Variants in ZEB1 observed in about 807,000 individuals in gnomAD.
ZEB1 encodes zinc finger E-box-binding homeobox 1.
In ZEB1, 21 loss-of-function variants were observed where a neutral mutation model predicts 84.9. The ratio of observed to expected loss-of-function variants is 0.25; its 90% CI spans 0.18 to 0.36. The LOEUF (loss-of-function observed/expected upper bound fraction) is 0.36, where lower values mean the gene tolerates loss of function less well. Ranked by LOEUF, ZEB1 falls within the 10% of genes least tolerant of loss-of-function variation. ZEB1 has a pLI of 1.00. For synonymous variants in ZEB1, 420 were observed against 471.1 expected (o/e 0.89, Z 1.41); for missense variants, 1,104 against 1,330.2 (o/e 0.83, Z 2.65).
chr10:31,347,438 T>C (rs765551402), intron 1 of ZEB1, among the ~76,000 whole-genome samples: 2 of 152,186 alleles, frequency 1.3e-5, no homozygotes, highest in African/African-American at 2.4e-5. Context: ...CTTGAACTCC[T>C]GGGTTCAAGT....
intron 2 of ZEB1, among the ~76,000 whole-genome samples, chr10:31,483,409 A>C (rs1436591576): frequency 4.6e-5 from 7 of 152,040 alleles, no homozygotes; most frequent in Non-Finnish European, 2.9e-5. Flanking sequence ...TTGATTCCAA[A>C]GCATGCTATT....
intron 1 of ZEB1, among the ~76,000 whole-genome samples, chr10:31,383,000 G>T (rs1195435966): frequency 3.3e-5 from 5 of 151,754 alleles, no homozygotes. Flanking sequence ...AGACCCTTTT[G>T]GGAAATAATG....
intron 1 of ZEB1, among the ~76,000 whole-genome samples, chr10:31,444,753 G>A (rs1433613675): frequency 3.0e-4 from 46 of 151,772 alleles, no homozygotes; most frequent in Admixed American, 2.7e-3. Context: ...TGAGGGCTCT[G>A]TTCTGTTCCA....
At chr10:31,347,668 G>A (rs1372978562) in intron 1 of ZEB1, among the ~76,000 whole-genome samples, 1 of 151,928 alleles carries the variant, frequency 6.6e-6, no homozygotes, top group Non-Finnish European at 1.5e-5. Context: ...CTTCATTATA[G>A]TGGAAATAGC....
intron 3 of ZEB1, among the ~76,000 whole-genome samples, chr10:31,499,620 C>T (rs1254561399): frequency 6.6e-6 from 1 of 152,000 alleles, no homozygotes; most frequent in Non-Finnish European, 1.5e-5. Flanking sequence ...CAAAAGTTAA[C>T]CAGGCATGGT....
chr10:31,500,849 G>A (rs1338770602), intron 3 of ZEB1, among the ~76,000 whole-genome samples: 3 of 152,106 alleles, frequency 2.0e-5, no homozygotes, highest in South Asian at 2.1e-4. Flanking sequence ...AAAAGTCTTC[G>A]CTTACCTCTG....
intron 2 of ZEB1, among the ~76,000 whole-genome samples, chr10:31,469,163 G>C (rs2062828938): frequency 6.6e-6 from 1 of 152,198 alleles, no homozygotes; most frequent in South Asian, 2.1e-4. Flanking sequence ...CAAACCAGAA[G>C]AAAGATTTCA....
At chr10:31,475,229 A>C (rs1033405651) in intron 2 of ZEB1, among the ~76,000 whole-genome samples, 2 of 151,340 alleles carry the variant, frequency 1.3e-5, no homozygotes, top group Admixed American at 6.6e-5. Flanking sequence ...AAAAAAAAAA[A>C]CAAATTAACC....
intron 2 of ZEB1, among the ~76,000 whole-genome samples, chr10:31,471,533 C>T (rs1440311606): frequency 1.4e-5 from 2 of 146,546 alleles, no homozygotes; most frequent in Non-Finnish European, 3.0e-5. Context: ...TATATGCACC[C>T]AATACAGGAG....
At chr10:31,458,642 G>A (rs1005000573) in intron 1 of ZEB1, among the ~76,000 whole-genome samples, 3 of 151,922 alleles carry the variant, frequency 2.0e-5, no homozygotes, top group African/African-American at 7.3e-5. Context: ...AAACCATTCT[G>A]GAAGGCAGTT....
At chr10:31,465,779 A>T (rs930416691) in intron 2 of ZEB1, among the ~76,000 whole-genome samples, 1 of 148,624 alleles carries the variant, frequency 6.7e-6, no homozygotes, top group African/African-American at 2.6e-5. Context: ...ACATGTGGCT[A>T]ATTTAAAAAA....
intron 1 of ZEB1, among the ~76,000 whole-genome samples, chr10:31,404,791 A>G (rs994996283): frequency 4.6e-5 from 7 of 152,236 alleles, no homozygotes; most frequent in Admixed American, 6.6e-5. Context: ...AATGTAAGCC[A>G]TGTGGTGGCT....
intron 1 of ZEB1, among the ~76,000 whole-genome samples, chr10:31,340,582 G>A (rs745431028): frequency 3.3e-5 from 5 of 152,182 alleles, no homozygotes; most frequent in Non-Finnish European, 5.9e-5. Flanking sequence ...AACATGTGAT[G>A]TTTGCCTACC....
At chr10:31,360,177 G>A (rs1361258380) in intron 1 of ZEB1, among the ~76,000 whole-genome samples, 1 of 152,138 alleles carries the variant, frequency 6.6e-6, no homozygotes, top group Non-Finnish European at 1.5e-5. Flanking sequence ...CCCTGCTCCT[G>A]CCCCTTTATG....
intron 1 of ZEB1, among the ~76,000 whole-genome samples, chr10:31,416,965 T>A (rs1352033987): frequency 6.6e-6 from 1 of 152,150 alleles, no homozygotes; most frequent in Non-Finnish European, 1.5e-5. Context: ...GGCTCTCATC[T>A]TTTTATACCT....
intron 2 of ZEB1, among the ~76,000 whole-genome samples, chr10:31,483,279 T>C (rs553712325): frequency 6.8e-4 from 103 of 152,124 alleles, no homozygotes; most frequent in African/African-American, 2.1e-3. Flanking sequence ...TTAGAATAGC[T>C]CTGTGAGATA....
intron 1 of ZEB1, among the ~76,000 whole-genome samples, chr10:31,367,069 C>A (rs889612008): frequency 6.6e-6 from 1 of 152,128 alleles, no homozygotes; most frequent in Non-Finnish European, 1.5e-5. Flanking sequence ...GGACCTCTTA[C>A]TTATTTCTGT....
In ZEB1 at chr10:31,406,452, G is replaced by GT. The variant is rs151223606; in HGVS notation, c.59-54573dup. ...TTTCTCTAATGACCAGTGATGATGA[G>GT]TTTTTTTTTTTTCATATATTTTTTG... On this transcript the variant is annotated intron_variant, in intron 1 of 8. Coordinates refer to ENST00000424869, the MANE Select transcript of ZEB1 (RefSeq NM_001174096.2). Among the ~76,000 whole-genome samples, 851 of 145,858 alleles carry GT rather than the reference G, an allele frequency of 5.8e-3. 2 individuals carry two copies. Among genetic ancestry groups the GT allele is most frequent in the Middle Eastern group, 0.014 (4 of 282 alleles).
intron 2 of ZEB1, among the ~76,000 whole-genome samples, chr10:31,487,893 T>C (rs2065949586): frequency 1.3e-5 from 2 of 151,364 alleles, no homozygotes; most frequent in Admixed American, 1.3e-4. Context: ...TGGTTTTACT[T>C]TAATCTGTGA....
Sources: allele counts gnomAD v4.1 joint callset (sites outside exome capture counted in the v4.1 genomes callset), GRCh38; gene constraint gnomAD v4.1.1; transcripts MANE v1.5; gene names NCBI Gene and HGNC (gene_info 2026-07-23, HGNC 2026-07-21).